The following TNIK variants were observed in gnomAD, a reference collection of about 807,000 sequenced individuals.
The protein encoded by TNIK is TRAF2 and NCK-interacting protein kinase.
TNIK carries 49 observed loss-of-function variants against 191.3 expected under a neutral mutation model. The observed-to-expected ratio is 0.26, with a 90% CI of 0.20 to 0.32. The LOEUF (loss-of-function observed/expected upper bound fraction) is 0.32, where lower values mean the gene tolerates loss of function less well. Among genes scored for constraint, TNIK ranks in the 10% least tolerant of loss-of-function variants. The pLI is 1.00. For synonymous variants in TNIK, 594 were observed against 600.9 expected (o/e 0.99, Z 0.17); for missense variants, 1,155 against 1,702.3 (o/e 0.68, Z 5.66).
chr3:171,277,037 G>C (rs560671032), intron 2 of TNIK, among the ~76,000 whole-genome samples: 1 of 152,256 alleles, frequency 6.6e-6, no homozygotes, highest in Middle Eastern at 3.4e-3. Flanking sequence ...GAAATGATTA[G>C]GTCATGAGGG....
At chr3:171,161,406 T>A in intron 10 of TNIK, 70 bp from the exon 11 acceptor site, 1 of 1,387,136 alleles carries the variant, frequency 7.2e-7, no homozygotes, top group Non-Finnish European at 1.0e-6. Flanking sequence ...ACCCCGTCTC[T>A]TATATATAAA....
intron 9 of TNIK, among the ~76,000 whole-genome samples, chr3:171,174,721 A>G (rs2108779041): frequency 6.6e-6 from 1 of 152,360 alleles, no homozygotes; most frequent in African/African-American, 2.4e-5. Flanking sequence ...GAAAAGTTAA[A>G]TCGCTGCCCC....
intron 2 of TNIK, among the ~76,000 whole-genome samples, chr3:171,292,775 CAAA>C (rs59314303): frequency 7.1e-5 from 6 of 85,054 alleles, no homozygotes; most frequent in Non-Finnish European, 9.1e-5. Context: ...GACTCCATCT[CAAA>C]AAAAAAAAAA....
chr3:171,150,137 G>A (rs1255909345), intron 12 of TNIK, among the ~76,000 whole-genome samples: 1 of 152,116 alleles, frequency 6.6e-6, no homozygotes, highest in African/African-American at 2.4e-5. Flanking sequence ...TCAGCTTCAA[G>A]GCCTCACCCT....
chr3:171,187,545 G>A (rs1048101651), intron 7 of TNIK, among the ~76,000 whole-genome samples: 2 of 152,084 alleles, frequency 1.3e-5, no homozygotes, highest in Non-Finnish European at 2.9e-5. Flanking sequence ...CCCACATGTC[G>A]AGAACTAAAA....
At chr3:171,155,430 A>G (rs192290641) in intron 12 of TNIK, among the ~76,000 whole-genome samples, 2 of 152,378 alleles carry the variant, frequency 1.3e-5, no homozygotes, top group Admixed American at 6.5e-5. Context: ...GGAATAATCT[A>G]TCAATGCTCT....
At chr3:171,074,686 A>G (rs998750515) in intron 28 of TNIK, among the ~76,000 whole-genome samples, 40 of 152,212 alleles carry the variant, frequency 2.6e-4, no homozygotes, top group African/African-American at 9.6e-4. Context: ...ACTCTTGGAT[A>G]TACAATTTGC....
In TNIK at chr3:171,162,634, A is replaced by G. The variant is rs1734150938; in HGVS notation, c.950-1298T>C. On this transcript the variant is annotated intron_variant, in intron 10 of 32. Coordinates refer to ENST00000436636, the MANE Select transcript of TNIK (RefSeq NM_015028.4). ...ATGATTGTGAAGAAAGGGAAGGAAT[A>G]TTTAGTGGGTATCTCCCACACCAGT... 2.0e-5 allele frequency among the ~76,000 whole-genome samples: 3 copies of G among 152,168 alleles called. No individual in the cohort carries two copies. In the South Asian group the frequency reaches 6.2e-4, roughly 32 times the overall value.
chr3:171,313,424 T>C (rs1754271349), intron 2 of TNIK, among the ~76,000 whole-genome samples: 1 of 152,118 alleles, frequency 6.6e-6, no homozygotes, highest in Non-Finnish European at 1.5e-5. Flanking sequence ...CCTCACAGAA[T>C]GAGTGGCAGA....
chr3:171,162,928 A>T (rs1198042900), intron 10 of TNIK, among the ~76,000 whole-genome samples: 1 of 152,270 alleles, frequency 6.6e-6, no homozygotes, highest in Non-Finnish European at 1.5e-5. Flanking sequence ...AGAAAGGAAC[A>T]GCTAGTGCCA....
At chr3:171,213,983 G>A (rs1178348611) in intron 3 of TNIK, among the ~76,000 whole-genome samples, 1 of 152,092 alleles carries the variant, frequency 6.6e-6, no homozygotes, top group East Asian at 1.9e-4. Flanking sequence ...TAAAAGGGCA[G>A]GAAGGCCAAA....
intron 1 of TNIK, among the ~76,000 whole-genome samples, chr3:171,429,396 C>T (rs541400466): frequency 1.3e-5 from 2 of 152,272 alleles, no homozygotes; most frequent in South Asian, 4.2e-4. Context: ...TCCACATAAC[C>T]TTCAGAAGTT....
In TNIK at chr3:171,338,483, T is replaced by A. The variant is rs142744587; in HGVS notation, c.123+31137A>T. On this transcript the variant is annotated intron_variant, in intron 2 of 32. Coordinates refer to ENST00000436636, the MANE Select transcript of TNIK (RefSeq NM_015028.4). ...ATGTGTGCCAAGAAATGTGCTTAAC[T>A]CTTTTTTATTATTTTTTCTGTTGGA... Among the ~76,000 whole-genome samples, 15 of 152,282 alleles carry A rather than the reference T, an allele frequency of 9.9e-5. No individual in the cohort carries two copies. The East Asian group carries it at 2.9e-3, about 29-fold the overall frequency.
chr3:171,185,953 G>GC (rs1737316600), intron 7 of TNIK, among the ~76,000 whole-genome samples: 1 of 152,068 alleles, frequency 6.6e-6, no homozygotes, highest in Non-Finnish European at 1.5e-5. Flanking sequence ...GCACATGAGG[G>GC]CCCAAAGTGT....
At chr3:171,187,538 A>G (rs1438455559) in intron 7 of TNIK, among the ~76,000 whole-genome samples, 2 of 152,212 alleles carry the variant, frequency 1.3e-5, no homozygotes, top group Non-Finnish European at 2.9e-5. Flanking sequence ...TAATAACCCC[A>G]CATGTCGAGA....
chr3:171,417,750 C>T (rs1723276850), intron 1 of TNIK, among the ~76,000 whole-genome samples: 1 of 152,112 alleles, frequency 6.6e-6, no homozygotes, highest in African/African-American at 2.4e-5. Flanking sequence ...TTGTGACAAT[C>T]CCCAAGCCCA....
intron 2 of TNIK, among the ~76,000 whole-genome samples, chr3:171,275,533 TAGAA>T (rs1416666620): frequency 1.3e-5 from 2 of 152,136 alleles, no homozygotes; most frequent in Non-Finnish European, 2.9e-5. Context: ...TAAAATTAAA[TAGAA>T]GGATGAATCA....
At chr3:171,136,044 T>C (rs1729937670) in intron 15 of TNIK, among the ~76,000 whole-genome samples, 1 of 152,220 alleles carries the variant, frequency 6.6e-6, no homozygotes, top group Admixed American at 6.5e-5. Flanking sequence ...AGAGGCTGAA[T>C]GAAGGAGGTG....
chr3:171,233,167 C>T (rs1490379128), intron 2 of TNIK, among the ~76,000 whole-genome samples: 2 of 152,196 alleles, frequency 1.3e-5, no homozygotes, highest in Non-Finnish European at 2.9e-5. Context: ...GGCTCATTCT[C>T]CTTCCTATCT....
Sources: allele counts gnomAD v4.1 joint callset (sites outside exome capture counted in the v4.1 genomes callset), GRCh38; gene constraint gnomAD v4.1.1; transcripts MANE v1.5; gene names NCBI Gene and HGNC (gene_info 2026-07-23, HGNC 2026-07-21).